Variants in TAFA2 observed in about 807,000 individuals in gnomAD.
TAFA2 encodes TAFA chemokine like family member 2, also known as chemokine-like protein TAFA-2.
Under a neutral mutation model 18.8 loss-of-function variants are expected in TAFA2, and 7 were observed. The ratio of observed to expected loss-of-function variants is 0.37; its 90% CI spans 0.21 to 0.70. TAFA2 has a LOEUF of 0.70. TAFA2 is among the 30% of genes least tolerant of loss of function. The pLI, the probability that TAFA2 is intolerant of heterozygous loss-of-function variation, is 0.53. For missense variants in TAFA2, 122 were observed against 158.1 expected (o/e 0.77, Z 1.23); for synonymous variants, 60 against 54.2 (o/e 1.11, Z -0.47).
At position 62,072,826 on chromosome 12, in the gene TAFA2, G is replaced by T. The variant is rs758968732; in HGVS notation, c.-2+118433C>A. The stretch of plus-strand genomic sequence containing the variant: ...AATCCATTCCAAAGATCAAAATACC[G>T]AATGATCCAAATAAGATGGAGCAAA... On this transcript the variant is annotated intron_variant, in intron 1 of 4. Transcript: ENST00000416284. Among the ~76,000 whole-genome samples, 7 of 152,004 alleles carry T rather than the reference G, an allele frequency of 4.6e-5. No individual in the cohort carries two copies. In the East Asian group the frequency reaches 1.3e-3, roughly 29 times the overall value.
chr12:62,217,344 T>C (rs2062739867), intron 1 of TAFA2, among the ~76,000 whole-genome samples: 1 of 152,188 alleles, frequency 6.6e-6, no homozygotes, highest in South Asian at 2.1e-4. Flanking sequence ...TACCTAGGAT[T>C]CTGGATCAAA....
At chr12:62,132,436 T>C (rs971174113) in intron 1 of TAFA2, among the ~76,000 whole-genome samples, 3 of 151,822 alleles carry the variant, frequency 2.0e-5, no homozygotes, top group Non-Finnish European at 2.9e-5. Flanking sequence ...CTCTGATGTG[T>C]CTAAACCAGT....
chr12:61,720,972 A>G (rs1316408378), intron 4 of TAFA2: 1 of 514,502 alleles, frequency 1.9e-6, no homozygotes, highest in Non-Finnish European at 3.9e-6. Flanking sequence ...ACAGATTATT[A>G]CAGAAAGCAA....
At chr12:62,208,680 G>A (rs1299266314) in intron 1 of TAFA2, among the ~76,000 whole-genome samples, 1 of 152,174 alleles carries the variant, frequency 6.6e-6, no homozygotes, top group Non-Finnish European at 1.5e-5. Flanking sequence ...ACCGATTAGA[G>A]GATAGGATTA....
rs1381589616 is a variant in TAFA2, at chr12:62,191,591, C to T, written c.-334G>A. The stretch of plus-strand genomic sequence containing the variant: ...TCCCCGCTTCTTTATTCCACAGTGT[C>T]AAAGTAATCAAAAGATTTGTTTACT... On this transcript the variant is annotated 5_prime_UTR_variant, in exon 1 of 5. Transcript: ENST00000416284. The T allele has an allele frequency of 6.6e-6, 1 of 152,220 alleles. No homozygotes were observed. Among genetic ancestry groups the T allele is most frequent in the Non-Finnish European group, 1.5e-5 (1 of 68,058 alleles). 9.4% of individuals were successfully genotyped at this position (152,220 alleles called of 1,614,324 possible). A position where few individuals can be genotyped will look rare whatever the true frequency, so the allele number is the denominator to read the frequency against.
chr12:62,062,152 T>A (rs534282571), intron 1 of TAFA2, among the ~76,000 whole-genome samples: 2 of 152,050 alleles, frequency 1.3e-5, no homozygotes, highest in Non-Finnish European at 2.9e-5. Flanking sequence ...CCAGCCTGGA[T>A]GACAGAGCAA....
At chr12:62,172,927 T>C (rs575003036) in intron 1 of TAFA2, among the ~76,000 whole-genome samples, 15 of 132,536 alleles carry the variant, frequency 1.1e-4, no homozygotes, top group African/African-American at 3.9e-4. Context: ...TAGCTGGGTA[T>C]TTAGCTTATT....
chr12:62,157,299 AAAG>A (rs1244419757), intron 1 of TAFA2, among the ~76,000 whole-genome samples: 1 of 152,154 alleles, frequency 6.6e-6, no homozygotes, highest in Non-Finnish European at 1.5e-5. Context: ...TCAATGTAGG[AAAG>A]AAGAAACTAG....
chr12:61,818,264 T>C (rs576004131), intron 2 of TAFA2, among the ~76,000 whole-genome samples: 2 of 152,276 alleles, frequency 1.3e-5, no homozygotes, highest in East Asian at 1.9e-4. Context: ...CCCCATTCTA[T>C]AAAAATTGTT....
In TAFA2 at chr12:62,235,988, T is replaced by TA. The variant is rs763716263; in HGVS notation, c.-130+22774dup. On this transcript the variant is annotated intron_variant, in intron 1 of 5. Transcript: ENST00000551619. ...TGACAACTTCTGTCGCAAAGAAAAT[T>TA]AAAAAAAAAACAAATGAAGGAAAAC... Among the ~76,000 whole-genome samples, 162 of 148,480 alleles carry TA rather than the reference T, an allele frequency of 1.1e-3. 1 individual carries two copies. The highest frequency in any genetic ancestry group is 2.9e-3 in the African/African-American group (118 of 40,628).
intron 2 of TAFA2, among the ~76,000 whole-genome samples, chr12:61,788,496 T>C (rs1870832716): frequency 6.6e-6 from 1 of 151,726 alleles, no homozygotes; most frequent in South Asian, 2.1e-4. Context: ...ACAGAGATCA[T>C]ATCAAATATC....
intron 1 of TAFA2, among the ~76,000 whole-genome samples, chr12:62,176,174 A>T (rs1288688408): frequency 6.6e-6 from 1 of 152,144 alleles, no homozygotes; most frequent in Non-Finnish European, 1.5e-5. Context: ...TTTTGGTTTT[A>T]TTCTGCCATT....
chr12:62,176,570 T>A (rs1274666586), intron 1 of TAFA2, among the ~76,000 whole-genome samples: 2 of 152,210 alleles, frequency 1.3e-5, no homozygotes, highest in African/African-American at 4.8e-5. Context: ...TTCGAATGAA[T>A]AAATATTTGA....
intron 1 of TAFA2, among the ~76,000 whole-genome samples, chr12:62,085,151 A>G (rs1356819567): frequency 1.3e-5 from 2 of 152,198 alleles, no homozygotes; most frequent in Non-Finnish European, 2.9e-5. Flanking sequence ...TATGTTAATA[A>G]CAATAAAAAG....
At chr12:62,080,252 C>G (rs1237101040) in intron 1 of TAFA2, among the ~76,000 whole-genome samples, 1 of 152,216 alleles carries the variant, frequency 6.6e-6, no homozygotes, top group South Asian at 2.1e-4. Flanking sequence ...CTTAGAATCC[C>G]TTTCTCCAGG....
At chr12:62,074,293 A>T (rs117994919) in intron 1 of TAFA2, among the ~76,000 whole-genome samples, 16 of 152,328 alleles carry the variant, frequency 1.1e-4, no homozygotes, top group Non-Finnish European at 1.8e-4. Flanking sequence ...ATCATTAAGT[A>T]CTTTATTTTT....
chr12:62,083,968 A>G (rs978421166), intron 1 of TAFA2, among the ~76,000 whole-genome samples: 8 of 152,144 alleles, frequency 5.3e-5, no homozygotes, highest in Non-Finnish European at 1.2e-4. Context: ...TGTGTGCTTC[A>G]AAAGACACAT....
chr12:62,230,882 C>T (rs2062809357), intron 1 of TAFA2, among the ~76,000 whole-genome samples: 1 of 152,188 alleles, frequency 6.6e-6, no homozygotes, highest in Admixed American at 6.5e-5. Flanking sequence ...CACTATGTTA[C>T]ACAGGCTGGT....
At chr12:62,202,976 GC>G in intron 1 of TAFA2, among the ~76,000 whole-genome samples, 1 of 151,806 alleles carries the variant, frequency 6.6e-6, no homozygotes, top group Non-Finnish European at 1.5e-5. Context: ...AAAGGCACAT[GC>G]CAACATGCCC....
Sources: allele counts gnomAD v4.1 joint callset (sites outside exome capture counted in the v4.1 genomes callset), GRCh38; gene constraint gnomAD v4.1.1; transcripts MANE v1.5; gene names NCBI Gene and HGNC (gene_info 2026-07-23, HGNC 2026-07-21).